GRM1: variants seen among roughly 807,000 people sequenced by gnomAD.
GRM1 encodes the protein glutamate metabotropic receptor 1.
Under a neutral mutation model 90.9 loss-of-function variants are expected in GRM1, and 33 were observed. The observed-to-expected ratio is 0.36, with a 90% CI of 0.28 to 0.49. The LOEUF is 0.49. Among genes scored for constraint, GRM1 ranks in the 20% least tolerant of loss-of-function variants. The pLI is 0.99. For missense variants in GRM1, 1,190 were observed against 1,534.3 expected (o/e 0.78, Z 3.75); for synonymous variants, 700 against 613.2 (o/e 1.14, Z -2.09).
intron 1 of GRM1, among the ~76,000 whole-genome samples, chr6:146,119,370 A>G (rs1304331388): frequency 1.3e-5 from 2 of 151,640 alleles, no homozygotes; most frequent in Non-Finnish European, 2.9e-5. Flanking sequence ...GATTGAAAAA[A>G]TTTTCTCCCA....
intron 7 of GRM1, among the ~76,000 whole-genome samples, chr6:146,403,795 T>C (rs61578052): frequency 0.011 from 1,611 of 152,232 alleles, 37 homozygotes; most frequent in African/African-American, 0.037. Context: ...TTCTCATTTA[T>C]GTCTATAGCT....
At chr6:146,033,449 G>A (rs1171893593) in intron 1 of GRM1, among the ~76,000 whole-genome samples, 1 of 152,014 alleles carries the variant, frequency 6.6e-6, no homozygotes, top group Non-Finnish European at 1.5e-5. Context: ...AAAATTCAAA[G>A]CATTGAACAA....
chr6:146,029,465 C>A lies in GRM1; in HGVS notation c.-53C>A. 1 of 1,415,262 alleles carries A rather than the reference C, an allele frequency of 7.1e-7. No homozygotes were observed. The highest frequency in any genetic ancestry group is 1.0e-6 in the Non-Finnish European group (1 of 999,270). 87.7% of individuals were successfully genotyped at this position (1,415,262 alleles called of 1,614,324 possible). ...GGGGGTGCGCGCCGGGAGCCTGCAG[C>A]GGGACCAGCGTGGGAACGCGGCTGG... On this transcript the variant is annotated 5_prime_UTR_variant, in exon 1 of 8. Coordinates refer to ENST00000282753, the MANE Select transcript of GRM1 (RefSeq NM_001278064.2).
At chr6:146,096,962 T>C (rs1392857742) in intron 1 of GRM1, among the ~76,000 whole-genome samples, 1 of 152,174 alleles carries the variant, frequency 6.6e-6, no homozygotes, top group Admixed American at 6.6e-5. Context: ...TTTTTAAAAA[T>C]TTTATGTTCT....
At chr6:146,030,532 G>A (rs1489476615) in intron 1 of GRM1, among the ~76,000 whole-genome samples, 1 of 152,188 alleles carries the variant, frequency 6.6e-6, no homozygotes, top group African/African-American at 2.4e-5. Context: ...CGTTTGGAAG[G>A]CTTATTTGTC....
intron 1 of GRM1, among the ~76,000 whole-genome samples, chr6:146,104,327 C>G (rs1289070517): frequency 6.6e-6 from 1 of 152,010 alleles, no homozygotes; most frequent in Non-Finnish European, 1.5e-5. Flanking sequence ...GTAGTCCCAG[C>G]TACTTGGGAG....
At chr6:146,274,518 A>G (rs1320513423) in intron 2 of GRM1, among the ~76,000 whole-genome samples, 1 of 152,156 alleles carries the variant, frequency 6.6e-6, no homozygotes, top group Non-Finnish European at 1.5e-5. Flanking sequence ...CAATTTTGTT[A>G]ATTATTTTTG....
chr6:146,138,040 C>A (rs1776692299), intron 1 of GRM1, among the ~76,000 whole-genome samples: 1 of 151,848 alleles, frequency 6.6e-6, no homozygotes, highest in African/African-American at 2.4e-5. Context: ...TTTATCAGTT[C>A]TAATAGTTTT....
rs141638420 is a variant in GRM1 at position 146,434,537 on chromosome 6, A to G, written c.3326A>G (p.Tyr1109Cys). 1.1e-5 allele frequency: 18 copies of G among 1,614,004 alleles called. No individual in the cohort carries two copies. The African/African-American group carries it at 2.3e-4, about 20-fold the overall frequency. The change falls in exon 8 of 8, where the codon TAC becomes TGC. Residue 1109 changes from tyrosine (Y) to cysteine (C), a missense_variant. Around this residue, in one of 10 missense-constraint regions of GRM1, gnomAD observed 400 missense variants for 360.8 expected, o/e 1.11. Coordinates refer to ENST00000282753, the MANE Select transcript of GRM1 (RefSeq NM_001278064.2). ...GAGAGGTTTAAGCTCCTCCAGGAGT[A>G]CGTGTATGAGCACGAGCGGGAAGGG... ...DSERFKLLQE[Y>C]VYEHEREGNT...
At chr6:146,259,228 C>T (rs1290131475) in intron 2 of GRM1, among the ~76,000 whole-genome samples, 2 of 152,158 alleles carry the variant, frequency 1.3e-5, no homozygotes, top group East Asian at 1.9e-4. Context: ...AAATTTAAAT[C>T]TAGGATGGTG....
chr6:146,342,355 C>A (rs1785014943), intron 3 of GRM1, among the ~76,000 whole-genome samples: 1 of 152,146 alleles, frequency 6.6e-6, no homozygotes, highest in South Asian at 2.1e-4. Flanking sequence ...ATATTGTCTG[C>A]AATCAGGGAC....
intron 2 of GRM1, among the ~76,000 whole-genome samples, chr6:146,162,253 C>G (rs1006223304): frequency 6.6e-6 from 1 of 152,090 alleles, no homozygotes; most frequent in Non-Finnish European, 1.5e-5. Context: ...TGTAGGTGGT[C>G]ATGAACTTCT....
At chr6:146,265,997 T>C (rs189791053) in intron 2 of GRM1, among the ~76,000 whole-genome samples, 33 of 152,268 alleles carry the variant, frequency 2.2e-4, no homozygotes, top group Admixed American at 2.0e-3. Context: ...GAGACCATCT[T>C]GGCCAACATG....
chr6:146,324,373 G>A (rs1784323728), intron 3 of GRM1, among the ~76,000 whole-genome samples: 1 of 152,060 alleles, frequency 6.6e-6, no homozygotes, highest in Non-Finnish European at 1.5e-5. Flanking sequence ...TGGCTCCCTG[G>A]CTTCAGCCCC....
intron 5 of GRM1, among the ~76,000 whole-genome samples, chr6:146,376,431 C>G (rs532299668): frequency 6.6e-6 from 1 of 152,202 alleles, no homozygotes; most frequent in South Asian, 2.1e-4. Context: ...TGGAAGTACT[C>G]CCTTAAGTAT....
At chr6:146,362,904 TCATTCTCATTA>T (rs1562639729) in intron 5 of GRM1, among the ~76,000 whole-genome samples, 1 of 152,088 alleles carries the variant, frequency 6.6e-6, no homozygotes, top group East Asian at 1.9e-4. Flanking sequence ...GGGAACATGA[TCATTCTCATTA>T]CGACCTAAGA....
chr6:146,190,353 T>C (rs1205335921), intron 2 of GRM1, among the ~76,000 whole-genome samples: 2 of 152,188 alleles, frequency 1.3e-5, no homozygotes, highest in Admixed American at 1.3e-4. Context: ...CATTTTGAAC[T>C]AGTAAACATC....
intron 4 of GRM1, among the ~76,000 whole-genome samples, chr6:146,354,244 A>T (rs565164215): frequency 1.3e-5 from 2 of 152,314 alleles, no homozygotes; most frequent in South Asian, 4.1e-4. Context: ...AGCTTCGAGG[A>T]AATGGTACTA....
chr6:146,142,253 A>G (rs186266423), intron 1 of GRM1, among the ~76,000 whole-genome samples: 1 of 152,316 alleles, frequency 6.6e-6, no homozygotes, highest in Admixed American at 6.5e-5. Flanking sequence ...TCTCCCAAAC[A>G]AATAGAGTCT....
Sources: allele counts gnomAD v4.1 joint callset (sites outside exome capture counted in the v4.1 genomes callset), GRCh38; gene constraint gnomAD v4.1.1; regional missense constraint gnomAD v4.1.1; transcripts MANE v1.5; gene names NCBI Gene and HGNC (gene_info 2026-07-23, HGNC 2026-07-21).